Variants in STON2 observed in about 807,000 individuals in gnomAD.
STON2 encodes the protein stonin 2.
In STON2, 29 loss-of-function variants were observed where a neutral mutation model predicts 65.7. That is an observed-to-expected ratio of 0.44 (90% confidence interval 0.33 to 0.60). STON2 has a LOEUF of 0.60. Ranked by LOEUF, STON2 falls within the 20% of genes least tolerant of loss-of-function variation. The pLI is 0.03. For synonymous variants in STON2, 404 were observed against 414.2 expected (o/e 0.98, Z 0.30); for missense variants, 1,054 against 1,118.1 (o/e 0.94, Z 0.82).
At chr14:81,434,701 G>A (rs1902346652) in intron 1 of STON2, among the ~76,000 whole-genome samples, 1 of 152,056 alleles carries the variant, frequency 6.6e-6, no homozygotes, top group Non-Finnish European at 1.5e-5. Context: ...CACACAGTAG[G>A]AGGCAATTGA....
chr14:81,263,154 C>T lies in STON2; in HGVS notation c.*5260G>A. On this transcript the variant is annotated 3_prime_UTR_variant, in exon 8 of 8. Coordinates refer to ENST00000614646, the MANE Select transcript of STON2 (RefSeq NM_001394390.1). Reference sequence around the variant, plus strand: ...CTTGAAATTCCTGTTAAATTGCATTCTGGACATGACCTAAGGCTAGCTTGT... The same window carrying T: ...CTTGAAATTCCTGTTAAATTGCATTTTGGACATGACCTAAGGCTAGCTTGT... 1 of 985,394 alleles carries T rather than the reference C, an allele frequency of 1.0e-6. No homozygotes were observed. Among genetic ancestry groups the T allele is most frequent in the Non-Finnish European group, 1.2e-6 (1 of 829,922 alleles). The allele number at this position is 985,394 out of a possible 1,614,324, so 61.0% of individuals were successfully genotyped here.
At chr14:81,301,550 A>G (rs1323818529) in intron 5 of STON2, among the ~76,000 whole-genome samples, 5 of 152,222 alleles carry the variant, frequency 3.3e-5, no homozygotes, top group Non-Finnish European at 5.9e-5. Context: ...GGGATAGTTG[A>G]AGCCAAACTG....
At chr14:81,304,495 G>A (rs1382839978) in intron 5 of STON2, among the ~76,000 whole-genome samples, 1 of 152,198 alleles carries the variant, frequency 6.6e-6, no homozygotes, top group African/African-American at 2.4e-5. Flanking sequence ...GGCCGAGGCA[G>A]GTGGATTGCT....
At chr14:81,275,204 A>G (rs980781331) in intron 6 of STON2, among the ~76,000 whole-genome samples, 1 of 152,204 alleles carries the variant, frequency 6.6e-6, no homozygotes, top group Non-Finnish European at 1.5e-5. Context: ...TTTGAAACAA[A>G]TAGATACGTT....
chr14:81,266,626 G>C lies in STON2; in HGVS notation c.*1788C>G. The C allele has an allele frequency of 4.2e-6, 4 of 943,374 alleles. No homozygotes were observed. The highest frequency in any genetic ancestry group is 5.1e-6 in the Non-Finnish European group (4 of 791,790). The allele number at this position is 943,374 out of a possible 1,614,324, so 58.4% of individuals were successfully genotyped here. The stretch of plus-strand genomic sequence containing the variant: ...TGAACTCAACCCTCCATTTAGATAT[G>C]GACTAGATGGAGGGTTAATAAAAGC... On this transcript the variant is annotated 3_prime_UTR_variant, in exon 8 of 8. Coordinates refer to ENST00000614646, the MANE Select transcript of STON2 (RefSeq NM_001394390.1).
chr14:81,265,841 T>C lies in STON2; in HGVS notation c.*2573A>G. ...CGGGGAAATAAGCTCCAACAAGCAA[T>C]CCACATGTTATGCTAGCAGATGAGG... is the stretch of plus-strand genomic sequence containing the variant. On this transcript the variant is annotated 3_prime_UTR_variant, in exon 8 of 8. Transcript: ENST00000614646. 1.0e-6 allele frequency: 1 copy of C among 985,200 alleles called. No individual in the cohort carries two copies. Among genetic ancestry groups the C allele is most frequent in the Non-Finnish European group, 1.2e-6 (1 of 829,884 alleles). The allele number at this position is 985,200 out of a possible 1,614,324, so 61.0% of individuals were successfully genotyped here.
At chr14:81,336,567 C>A (rs948760492) in intron 4 of STON2, among the ~76,000 whole-genome samples, 9 of 151,784 alleles carry the variant, frequency 5.9e-5, no homozygotes, top group Non-Finnish European at 1.3e-4. Context: ...TAGAAGTGGA[C>A]CCTGCTGGTT....
chr14:81,392,251 A>C lies in STON2; in HGVS notation c.373+3643T>G, dbSNP rs555756115. Among the ~76,000 whole-genome samples the C allele has an allele frequency of 1.6e-4, 25 of 152,266 alleles. No individual in the cohort carries two copies. The South Asian group carries it at 4.6e-3, about 28-fold the overall frequency. ...CAGAAAAACTCCAACTGGCCTGTGC[A>C]CTGGGGTGGAGCTGCGGAAGTTTGT... On this transcript the variant is annotated intron_variant, in intron 3 of 7. Transcript: ENST00000614646.
At chr14:81,321,992 C>G (rs1896837343) in intron 5 of STON2, among the ~76,000 whole-genome samples, 1 of 152,122 alleles carries the variant, frequency 6.6e-6, no homozygotes, top group African/African-American at 2.4e-5. Context: ...CATGTTTTTG[C>G]TTTTTGTAAG....
chr14:81,417,648 G>A (rs1388873793), intron 2 of STON2, among the ~76,000 whole-genome samples: 1 of 152,210 alleles, frequency 6.6e-6, no homozygotes, highest in Non-Finnish European at 1.5e-5. Flanking sequence ...GAGATGCAAA[G>A]ACTGTGAAAA....
chr14:81,341,457 G>GTT (rs1156390907), intron 4 of STON2, among the ~76,000 whole-genome samples: 2 of 123,912 alleles, frequency 1.6e-5, no homozygotes, highest in African/African-American at 6.3e-5. Flanking sequence ...TTTTTTTTTT[G>GTT]TTTTTTTTTT....
chr14:81,261,783 C>T lies in STON2; in HGVS notation c.*6631G>A. 1 of 1,517,676 alleles carries T rather than the reference C, an allele frequency of 6.6e-7. No individual in the cohort carries two copies. Among genetic ancestry groups the T allele is most frequent in the South Asian group, 1.2e-5 (1 of 80,462 alleles). 94.0% of individuals were successfully genotyped at this position (1,517,676 alleles called of 1,614,324 possible). On this transcript the variant is annotated 3_prime_UTR_variant, in exon 8 of 8. Coordinates refer to ENST00000614646, the MANE Select transcript of STON2 (RefSeq NM_001394390.1). ...AGACCTGTCTGTGCCTCTTCATGCT[C>T]ACACCATTGTTCTGATAGATGATGC...
Position 81,265,633 on chromosome 14 carries a change from G to A in STON2, c.*2781C>T, listed in dbSNP as rs1894325793. 8 of 321,522 alleles carry A rather than the reference G, an allele frequency of 2.5e-5. No individual in the cohort carries two copies. Among genetic ancestry groups the A allele is most frequent in the Admixed American group, 2.1e-4 (2 of 9,586 alleles). 19.9% of individuals were successfully genotyped at this position (321,522 alleles called of 1,614,324 possible). ...GCACTCCAGCCTGGGCGACAAGAGCGAAACTTTGTCTCAGTAATAATAATA... is the reference window on the plus strand; with the variant it reads ...GCACTCCAGCCTGGGCGACAAGAGCAAAACTTTGTCTCAGTAATAATAATA... On this transcript the variant is annotated 3_prime_UTR_variant, in exon 8 of 8. Coordinates refer to ENST00000614646, the MANE Select transcript of STON2 (RefSeq NM_001394390.1).
intron 5 of STON2, among the ~76,000 whole-genome samples, chr14:81,291,405 A>G (rs1303456922): frequency 6.6e-6 from 1 of 152,180 alleles, no homozygotes; most frequent in Admixed American, 6.5e-5. Flanking sequence ...TCAACTTTCT[A>G]TTATCCCTCT....
chr14:81,436,012 T>C, intron 1 of STON2: 1 of 152,364 alleles, frequency 6.6e-6, no homozygotes, highest in Non-Finnish European at 1.5e-5. Context: ...CGTCCCAATC[T>C]CGAAGACACC....
chr14:81,364,550 G>T (rs79611625), intron 4 of STON2, among the ~76,000 whole-genome samples: 1 of 152,046 alleles, frequency 6.6e-6, no homozygotes, highest in African/African-American at 2.4e-5. Flanking sequence ...TGTACACCAC[G>T]ATCTGACCAA....
intron 5 of STON2, among the ~76,000 whole-genome samples, chr14:81,310,733 A>G (rs1896392187): frequency 6.6e-6 from 1 of 152,208 alleles, no homozygotes; most frequent in African/African-American, 2.4e-5. Flanking sequence ...CTTTCACGGC[A>G]GAGATGGACA....
intron 5 of STON2, among the ~76,000 whole-genome samples, chr14:81,304,786 C>T (rs1896109345): frequency 6.6e-6 from 1 of 152,182 alleles, no homozygotes; most frequent in Non-Finnish European, 1.5e-5. Flanking sequence ...GGCATTGTTA[C>T]TTTAGCCTTT....
upstream of STON2, among the ~76,000 whole-genome samples, chr14:81,401,955 G>A (rs1203499613): frequency 6.6e-6 from 1 of 152,186 alleles, no homozygotes; most frequent in Non-Finnish European, 1.5e-5. Flanking sequence ...AGAGGGACAA[G>A]TGAGGGAAGC....
Sources: allele counts gnomAD v4.1 joint callset (sites outside exome capture counted in the v4.1 genomes callset), GRCh38; gene constraint gnomAD v4.1.1; transcripts MANE v1.5; gene names NCBI Gene and HGNC (gene_info 2026-07-23, HGNC 2026-07-21).